The following TTC28 variants were observed in gnomAD, a reference collection of about 807,000 sequenced individuals.
The protein encoded by TTC28 is tetratricopeptide repeat domain 28, also known as tetratricopeptide repeat protein 28.
In TTC28, 61 loss-of-function variants were observed where a neutral mutation model predicts 198.0. The ratio of observed to expected loss-of-function variants is 0.31; its 90% CI spans 0.25 to 0.38. The LOEUF is 0.38. TTC28 is among the 10% of genes least tolerant of loss of function. The pLI, the probability that TTC28 is intolerant of heterozygous loss-of-function variation, is 1.00. For missense variants in TTC28, 2,678 were observed against 3,164.0 expected (o/e 0.85, Z 3.69); for synonymous variants, 1,171 against 1,297.8 (o/e 0.90, Z 2.10).
chr22:28,384,087 G>T (rs1056933726), intron 2 of TTC28, among the ~76,000 whole-genome samples: 2 of 152,118 alleles, frequency 1.3e-5, no homozygotes, highest in African/African-American at 4.8e-5. Flanking sequence ...CCTCTGCCTA[G>T]ATTACTCTTT....
chr22:28,327,045 A>G (rs1221317824), intron 2 of TTC28, among the ~76,000 whole-genome samples: 2 of 151,932 alleles, frequency 1.3e-5, no homozygotes, highest in African/African-American at 4.8e-5. Context: ...TAAAAATAAT[A>G]CGTAAAAATG....
chr22:28,060,540 A>G (rs1303716785), intron 12 of TTC28, among the ~76,000 whole-genome samples: 1 of 152,236 alleles, frequency 6.6e-6, no homozygotes, highest in African/African-American at 2.4e-5. Flanking sequence ...TATTGTGAAT[A>G]GTGCTGCAAT....
At chr22:28,060,629 G>A (rs1940489114) in intron 12 of TTC28, among the ~76,000 whole-genome samples, 1 of 152,220 alleles carries the variant, frequency 6.6e-6, no homozygotes, top group Admixed American at 6.5e-5. Context: ...GGATGGCTGG[G>A]TCAAATGGTA....
intron 2 of TTC28, among the ~76,000 whole-genome samples, chr22:28,567,077 T>G (rs927812230): frequency 2.0e-5 from 3 of 152,014 alleles, no homozygotes; most frequent in Admixed American, 2.0e-4. Flanking sequence ...TAGCCGGGCA[T>G]GGTGGCGGAC....
chr22:28,306,728 A>G, intron 2 of TTC28, 85 bp from the exon 3 acceptor site: 1 of 1,412,388 alleles, frequency 7.1e-7, no homozygotes, highest in Admixed American at 2.2e-5. Flanking sequence ...ACAGGTCAGC[A>G]GAACTAAGAT....
chr22:28,429,266 C>T (rs1458946487), intron 2 of TTC28, among the ~76,000 whole-genome samples: 1 of 152,184 alleles, frequency 6.6e-6, no homozygotes, highest in African/African-American at 2.4e-5. Context: ...CTGATCCTAC[C>T]TAAAAGCTGC....
intron 12 of TTC28, among the ~76,000 whole-genome samples, chr22:28,083,974 G>A (rs543737346): frequency 1.1e-4 from 17 of 152,276 alleles, no homozygotes; most frequent in Non-Finnish European, 2.2e-4. Context: ...AGGGGCGCCT[G>A]CCATTGCTCA....
intron 2 of TTC28, among the ~76,000 whole-genome samples, chr22:28,389,853 T>C (rs977131392): frequency 3.4e-4 from 51 of 151,982 alleles, no homozygotes; most frequent in African/African-American, 1.2e-3. Flanking sequence ...TCAGTTCTGC[T>C]CTGATTTTAG....
chr22:28,066,384 C>T (rs1000699777), intron 12 of TTC28, among the ~76,000 whole-genome samples: 8 of 151,666 alleles, frequency 5.3e-5, no homozygotes, highest in Admixed American at 6.6e-5. Context: ...TTCAAGCGTA[C>T]GATACAGTGT....
At chr22:28,642,654 T>C (rs1275957425) in intron 1 of TTC28, among the ~76,000 whole-genome samples, 3 of 152,090 alleles carry the variant, frequency 2.0e-5, no homozygotes, top group Non-Finnish European at 4.4e-5. Context: ...GAATTAGGTC[T>C]CTAGAGAAAA....
chr22:27,995,995 G>T, intron 17 of TTC28, 140 bp downstream of exon 17: 1 of 1,304,610 alleles, frequency 7.7e-7, no homozygotes, highest in East Asian at 2.6e-5. Context: ...TGTGGAAGCC[G>T]GTCAGTGCCA....
chr22:28,650,912 C>T (rs944286254), intron 1 of TTC28, among the ~76,000 whole-genome samples: 1 of 152,192 alleles, frequency 6.6e-6, no homozygotes, highest in Non-Finnish European at 1.5e-5. Flanking sequence ...AGATCTAGAA[C>T]AGGAGTCAGC....
intron 2 of TTC28, among the ~76,000 whole-genome samples, chr22:28,399,896 C>G (rs1165587565): frequency 6.6e-6 from 1 of 152,010 alleles, no homozygotes; most frequent in Non-Finnish European, 1.5e-5. Flanking sequence ...TTTAAAACAG[C>G]CTTCCATAAT....
At chr22:28,540,197 C>A (rs773013625) in intron 2 of TTC28, among the ~76,000 whole-genome samples, 1 of 152,004 alleles carries the variant, frequency 6.6e-6, no homozygotes, top group Non-Finnish European at 1.5e-5. Flanking sequence ...CCGCCCATTT[C>A]GGCCTCCCAA....
intron 5 of TTC28, among the ~76,000 whole-genome samples, chr22:28,197,526 C>G (rs1925496420): frequency 6.6e-6 from 1 of 152,032 alleles, no homozygotes; most frequent in African/African-American, 2.4e-5. Context: ...GTGATTACTT[C>G]ATCTCTAAAA....
chr22:28,591,361 T>C (rs2050433015), intron 2 of TTC28, among the ~76,000 whole-genome samples: 3 of 151,888 alleles, frequency 2.0e-5, no homozygotes, highest in African/African-American at 7.3e-5. Context: ...GTATACAATT[T>C]TAAATAAAAT....
chr22:28,517,852 A>G lies in TTC28; in HGVS notation c.381+111700T>C, dbSNP rs556792510. 9.8e-5 allele frequency among the ~76,000 whole-genome samples: 15 copies of G among 152,338 alleles called. No homozygotes were observed. In the South Asian group the frequency reaches 2.3e-3, roughly 23 times the overall value. ...TTACATCAATACTTCATAATATATT[A>G]AACGCAAACACATTCAAAGTGATTA... On this transcript the variant is annotated intron_variant, in intron 2 of 22. Coordinates refer to ENST00000397906, the MANE Select transcript of TTC28 (RefSeq NM_001145418.2).
At chr22:28,142,666 G>A (rs1351719493) in intron 6 of TTC28, among the ~76,000 whole-genome samples, 2 of 152,146 alleles carry the variant, frequency 1.3e-5, no homozygotes, top group East Asian at 3.9e-4. Flanking sequence ...TAAAACTCCT[G>A]TTACTGGAGC....
chr22:28,154,036 A>G (rs1403010748), intron 6 of TTC28, among the ~76,000 whole-genome samples: 4 of 152,160 alleles, frequency 2.6e-5, no homozygotes, highest in Non-Finnish European at 5.9e-5. Context: ...GGAGAAACTG[A>G]GTCATGATTC....
Sources: gnomAD v4.1 joint callset for allele counts (sites outside exome capture counted in the v4.1 genomes callset) on GRCh38, gnomAD v4.1.1 for gene constraint, MANE v1.5 for transcripts, NCBI Gene and HGNC (gene_info 2026-07-23, HGNC 2026-07-21) for gene names.